DOCK4: variants seen among roughly 807,000 people sequenced by gnomAD.
The protein encoded by DOCK4 is dedicator of cytokinesis 4.
In DOCK4, 97 loss-of-function variants were observed where a neutral mutation model predicts 268.1. The ratio of observed to expected loss-of-function variants is 0.36; its 90% CI spans 0.31 to 0.43. The LOEUF is 0.43. Among genes scored for constraint, DOCK4 ranks in the 20% least tolerant of loss-of-function variants. DOCK4 has a pLI of 1.00. For missense variants in DOCK4, 2,145 were observed against 2,455.7 expected (o/e 0.87, Z 2.67); for synonymous variants, 954 against 887.2 (o/e 1.08, Z -1.34).
chr7:112,055,979 G>A (rs1314929962), intron 1 of DOCK4, among the ~76,000 whole-genome samples: 2 of 151,716 alleles, frequency 1.3e-5, no homozygotes, highest in African/African-American at 4.8e-5. Context: ...GTGTCCATAA[G>A]ATAAAAACAA....
In DOCK4 at chr7:111,984,156, G is replaced by A. The variant is rs1194180480; in HGVS notation, c.549+150C>T. On this transcript the variant is annotated intron_variant, in intron 7 of 52. Coordinates refer to ENST00000428084, the MANE Select transcript of DOCK4 (RefSeq NM_001363540.2). ...AGGTAGTGTCTCAGTACTGTACTGA[G>A]GGCATGGTCACCTCAGCTCTCAAGT... The A allele has an allele frequency of 1.5e-5, 10 of 660,608 alleles. No individual in the cohort carries two copies. In the East Asian group the frequency reaches 2.8e-4, roughly 18 times the overall value. 40.9% of individuals were successfully genotyped at this position (660,608 alleles called of 1,614,324 possible). A position where few individuals can be genotyped will look rare whatever the true frequency, so the allele number is the denominator to read the frequency against.
rs372042990 is a variant in DOCK4, at chr7:111,944,882, A to G, written c.784-11T>C. 11 of 1,613,764 alleles carry G rather than the reference A, an allele frequency of 6.8e-6. No homozygotes were observed. The African/African-American group carries it at 1.5e-4, about 22-fold the overall frequency. On this transcript the variant is annotated splice_polypyrimidine_tract_variant and intron_variant, in intron 9 of 52. Transcript: ENST00000428084. ...ACTGCTGCCCAAATCCTACAAACAA[A>G]GAAAGTTTGGTTATTTTGGAAGACA...
intron 1 of DOCK4, among the ~76,000 whole-genome samples, chr7:112,011,243 C>T (rs1203217037): frequency 1.3e-5 from 2 of 152,212 alleles, no homozygotes; most frequent in African/African-American, 4.8e-5. Flanking sequence ...AGTTCTGCTT[C>T]CTTCCTCGTC....
chr7:111,772,067 A>G (rs557140750), intron 36 of DOCK4, among the ~76,000 whole-genome samples: 1 of 152,308 alleles, frequency 6.6e-6, no homozygotes, highest in East Asian at 1.9e-4. Flanking sequence ...ATTTACAGAG[A>G]CAGAAAGTAG....
intron 8 of DOCK4, chr7:111,971,478 AG>A: frequency 4.7e-6 from 1 of 213,882 alleles, no homozygotes. Context: ...TAATGCAGTG[AG>A]GGATCCTCAT....
At chr7:111,839,819 T>C (rs1803533233) in intron 25 of DOCK4, among the ~76,000 whole-genome samples, 1 of 152,216 alleles carries the variant, frequency 6.6e-6, no homozygotes, top group African/African-American at 2.4e-5. Context: ...TAAATTTTAA[T>C]TAATTTTTTA....
At chr7:112,078,892 G>A (rs1273930149) in intron 1 of DOCK4, among the ~76,000 whole-genome samples, 3 of 152,090 alleles carry the variant, frequency 2.0e-5, no homozygotes, top group East Asian at 1.9e-4. Context: ...TTGGGAGGTC[G>A]AGGCAGGTGG....
intron 1 of DOCK4, among the ~76,000 whole-genome samples, chr7:112,066,711 A>C (rs188676809): frequency 1.3e-5 from 1 of 79,986 alleles, no homozygotes; most frequent in Non-Finnish European, 2.4e-5. Flanking sequence ...ATATATATAT[A>C]TATATATATA....
intron 25 of DOCK4, chr7:111,840,818 G>T: frequency 7.4e-7 from 1 of 1,347,328 alleles, no homozygotes; most frequent in Non-Finnish European, 9.8e-7. Flanking sequence ...GACTGAAAAG[G>T]TGCTCAATGT....
intron 16 of DOCK4, among the ~76,000 whole-genome samples, chr7:111,886,233 C>A (rs1807825780): frequency 6.6e-6 from 1 of 152,044 alleles, no homozygotes. Context: ...TCTGTATTAC[C>A]AGTTAATAAA....
intron 1 of DOCK4, among the ~76,000 whole-genome samples, chr7:112,021,533 C>T (rs35835477): frequency 0.28 from 42,462 of 152,154 alleles, 7,829 homozygotes; most frequent in Non-Finnish European, 0.42. Flanking sequence ...GGAAGTCTAA[C>T]GCCTTCCCAT....
At chr7:111,761,130 A>G (rs1382266335) in intron 39 of DOCK4, among the ~76,000 whole-genome samples, 2 of 150,626 alleles carry the variant, frequency 1.3e-5, no homozygotes, top group African/African-American at 4.9e-5. Context: ...GTATGATCTC[A>G]GCTTACTGCA....
chr7:112,020,974 G>C (rs1401648083), intron 1 of DOCK4, among the ~76,000 whole-genome samples: 1 of 152,132 alleles, frequency 6.6e-6, no homozygotes, highest in Non-Finnish European at 1.5e-5. Context: ...TTTCTCCCCA[G>C]AGTTCTGAAG....
chr7:112,023,270 T>C (rs577270444), intron 1 of DOCK4, among the ~76,000 whole-genome samples: 1 of 152,084 alleles, frequency 6.6e-6, no homozygotes, highest in Admixed American at 6.5e-5. Context: ...ATTTCCAGAG[T>C]TGCTCTACAA....
At chr7:112,171,734 C>T (rs1818100478) in intron 1 of DOCK4, among the ~76,000 whole-genome samples, 1 of 152,180 alleles carries the variant, frequency 6.6e-6, no homozygotes, top group Admixed American at 6.5e-5. Flanking sequence ...AGTATATTCC[C>T]AAATATTTCA....
At chr7:111,863,759 C>T (rs776064306) in intron 22 of DOCK4, among the ~76,000 whole-genome samples, 195 bp from the exon 23 acceptor site, 18 of 152,064 alleles carry the variant, frequency 1.2e-4, no homozygotes, top group African/African-American at 3.1e-4. Context: ...TTGAAAAGTA[C>T]GAAGCAGCAG....
chr7:111,964,132 A>G (rs1797183654), intron 8 of DOCK4, among the ~76,000 whole-genome samples: 1 of 148,384 alleles, frequency 6.7e-6, no homozygotes, highest in Admixed American at 6.7e-5. Flanking sequence ...AAAACTGGAA[A>G]CTCTAAAACG....
chr7:111,900,510 C>A lies in DOCK4; in HGVS notation c.1344G>T (p.Glu448Asp). Residue 448 changes from glutamate (E) to aspartate (D), a missense_variant, in exon 15 of 53, where the codon GAG (glutamate) becomes GAT (aspartate). By Grantham distance (45) the Glu-to-Asp change is conservative. This residue lies in a region of DOCK4 where 1,598 missense variants were observed against 1,986.7 expected (regional missense o/e 0.80). Transcript: ENST00000428084. ...LKDFISFGSG[E>D]PPASEYHSFV... The stretch of plus-strand genomic sequence containing the variant: ...AGGAGTGGTACTCACTGGCTGGTGG[C>A]TCCCCAGAGCCGAAGGAGATAAAAT... 1 of 1,611,438 alleles carries A rather than the reference C, an allele frequency of 6.2e-7. No homozygotes were observed. Among genetic ancestry groups the A allele is most frequent in the Non-Finnish European group, 8.5e-7 (1 of 1,178,948 alleles).
chr7:111,979,479 ATT>A (rs10629057), intron 7 of DOCK4, among the ~76,000 whole-genome samples: 2 of 147,216 alleles, frequency 1.4e-5, no homozygotes, highest in Non-Finnish European at 3.0e-5. Flanking sequence ...TGCTTTAACA[ATT>A]TTTTTTTTTT....
Sources: allele counts gnomAD v4.1 joint callset (sites outside exome capture counted in the v4.1 genomes callset), GRCh38; gene constraint gnomAD v4.1.1; regional missense constraint gnomAD v4.1.1; transcripts MANE v1.5; gene names NCBI Gene and HGNC (gene_info 2026-07-23, HGNC 2026-07-21).